TMCC1: variants seen among roughly 807,000 people sequenced by gnomAD.
TMCC1 encodes transmembrane and coiled-coil domain family 1, also known as transmembrane and coiled-coil domains protein 1.
Under a neutral mutation model 52.4 loss-of-function variants are expected in TMCC1, and 15 were observed. The ratio of observed to expected loss-of-function variants is 0.29; its 90% CI spans 0.19 to 0.44. The LOEUF is 0.44. Among genes scored for constraint, TMCC1 ranks in the 20% least tolerant of loss-of-function variants. The probability of loss-of-function intolerance (pLI) is 1.00; values close to 1 mark genes in which losing one functional copy is unlikely to be tolerated. For synonymous variants in TMCC1, 279 were observed against 301.9 expected, an observed-to-expected ratio of 0.92 and a Z score of 0.79; for missense variants, 503 against 806.0, an observed-to-expected ratio of 0.62 and a Z score of 4.55.
At chr3:129,884,651 T>G (rs1345868930) in intron 1 of TMCC1, among the ~76,000 whole-genome samples, 1 of 152,128 alleles carries the variant, frequency 6.6e-6, no homozygotes, top group African/African-American at 2.4e-5. Flanking sequence ...GATAACAGAG[T>G]CTTTTGAAGA....
chr3:129,713,301 A>G lies in TMCC1; in HGVS notation c.577-42037T>C, dbSNP rs183977591. ...ATCTGGCATATAATTAATTTAGTGG[A>G]TAACAGTATTGAGTCAAATGATGCC... is the stretch of plus-strand genomic sequence containing the variant. On this transcript the variant is annotated intron_variant, in intron 4 of 6. Transcript: ENST00000393238. Among the ~76,000 whole-genome samples, 26 of 152,278 alleles carry G rather than the reference A, an allele frequency of 1.7e-4. No homozygotes were observed. The East Asian group carries it at 4.8e-3, about 28-fold the overall frequency.
At chr3:129,776,752 C>T (rs188757029) in intron 4 of TMCC1, among the ~76,000 whole-genome samples, 201 of 152,268 alleles carry the variant, frequency 1.3e-3, no homozygotes, top group African/African-American at 3.9e-3. Flanking sequence ...CTCAGTCTCC[C>T]AAGTAGCTGG....
chr3:129,758,326 A>G (rs1428403832), intron 4 of TMCC1, among the ~76,000 whole-genome samples: 1 of 152,234 alleles, frequency 6.6e-6, no homozygotes, highest in Admixed American at 6.5e-5. Flanking sequence ...CAGATATCTA[A>G]TGGAATTCAT....
At position 129,836,916 on chromosome 3, in the gene TMCC1, G is replaced by A. The variant is rs181042043; in HGVS notation, c.-183-4090C>T. 6.4e-4 allele frequency among the ~76,000 whole-genome samples: 97 copies of A among 152,274 alleles called. No individual in the cohort carries two copies. The East Asian group carries it at 0.014, about 23-fold the overall frequency. Reference sequence around the variant, plus strand: ...ATCTCCACCCCCGTGGAGCTAATGAGGGAAGAGCAAGCAACAATACCAAAC... The same window carrying A: ...ATCTCCACCCCCGTGGAGCTAATGAAGGAAGAGCAAGCAACAATACCAAAC... On this transcript the variant is annotated intron_variant, in intron 2 of 6. Coordinates refer to ENST00000393238, the MANE Select transcript of TMCC1 (RefSeq NM_001017395.5).
intron 1 of TMCC1, among the ~76,000 whole-genome samples, chr3:129,885,197 C>G (rs1161219531): frequency 6.6e-6 from 1 of 151,960 alleles, no homozygotes; most frequent in Non-Finnish European, 1.5e-5. Flanking sequence ...TTCAAGAAAT[C>G]TGAAAAACAA....
chr3:129,752,683 A>AC (rs1560333899), intron 4 of TMCC1, among the ~76,000 whole-genome samples: 3 of 150,746 alleles, frequency 2.0e-5, no homozygotes, highest in African/African-American at 7.3e-5. Context: ...CACACACACA[A>AC]AAACTAATAC....
intron 5 of TMCC1, among the ~76,000 whole-genome samples, chr3:129,662,770 G>A (rs528570060): frequency 6.6e-6 from 1 of 152,252 alleles, no homozygotes; most frequent in African/African-American, 2.4e-5. Context: ...ACGCACCTCC[G>A]CTTGGATTAC....
chr3:129,698,686 T>C (rs754160752), intron 4 of TMCC1, among the ~76,000 whole-genome samples: 1 of 152,208 alleles, frequency 6.6e-6, no homozygotes, highest in Non-Finnish European at 1.5e-5. Context: ...AGTAATTGTT[T>C]AGTTAGAGTT....
chr3:129,849,461 C>CA (rs564418353), intron 2 of TMCC1, among the ~76,000 whole-genome samples: 11,805 of 132,618 alleles, frequency 0.089, 604 homozygotes, highest in East Asian at 0.19. Flanking sequence ...GACTCCATCT[C>CA]AAAAAAAAAA....
intron 1 of TMCC1, among the ~76,000 whole-genome samples, chr3:129,887,210 A>G (rs961415463): frequency 1.2e-4 from 19 of 152,182 alleles, no homozygotes; most frequent in African/African-American, 4.1e-4. Context: ...CATATTTCAA[A>G]TCATAAATTG....
chr3:129,669,637 C>G (rs935898700), intron 5 of TMCC1, among the ~76,000 whole-genome samples: 1 of 151,930 alleles, frequency 6.6e-6, no homozygotes, highest in Non-Finnish European at 1.5e-5. Flanking sequence ...TTTCTCCAGA[C>G]GAGAATATTA....
chr3:129,663,603 GA>G (rs1421235868), intron 5 of TMCC1, among the ~76,000 whole-genome samples: 1 of 152,156 alleles, frequency 6.6e-6, no homozygotes, highest in Non-Finnish European at 1.5e-5. Flanking sequence ...GCCTTCAGCT[GA>G]AAAGGGAAAA....
At chr3:129,788,722 C>G (rs549133459) in intron 4 of TMCC1, among the ~76,000 whole-genome samples, 2 of 152,044 alleles carry the variant, frequency 1.3e-5, no homozygotes, top group South Asian at 4.2e-4. Context: ...CCCGTCTTGG[C>G]CTTCCAAAGT....
chr3:129,669,588 C>A (rs1465336075), intron 5 of TMCC1, among the ~76,000 whole-genome samples: 1 of 152,094 alleles, frequency 6.6e-6, no homozygotes, highest in Non-Finnish European at 1.5e-5. Context: ...GCATGCACCA[C>A]CACACCCGGC....
In TMCC1 at chr3:129,666,989, C is replaced by T. The variant is rs555263665; in HGVS notation, c.1511+3341G>A. Among the ~76,000 whole-genome samples, 4 of 151,574 alleles carry T rather than the reference C, an allele frequency of 2.6e-5. No homozygotes were observed. In the South Asian group the frequency reaches 6.3e-4, roughly 24 times the overall value. ...TGATCTCAGCTCACTGCAACCTCCA[C>T]CTCTCAGATTCAAGCAATTCTCCTG... On this transcript the variant is annotated intron_variant, in intron 5 of 6. Coordinates refer to ENST00000393238, the MANE Select transcript of TMCC1 (RefSeq NM_001017395.5).
intron 1 of TMCC1, among the ~76,000 whole-genome samples, chr3:129,889,272 A>C (rs1270666506): frequency 2.0e-5 from 3 of 152,110 alleles, no homozygotes; most frequent in Non-Finnish European, 4.4e-5. Context: ...ATCCTGTCTC[A>C]AAAAAACAAA....
At chr3:129,832,057 A>T (rs1440054681) in intron 3 of TMCC1, among the ~76,000 whole-genome samples, 1 of 152,088 alleles carries the variant, frequency 6.6e-6, no homozygotes, top group Non-Finnish European at 1.5e-5. Context: ...GGGTTTCGCC[A>T]TGTTGACCAG....
intron 1 of TMCC1, among the ~76,000 whole-genome samples, chr3:129,885,727 A>C (rs745479346): frequency 1.3e-5 from 2 of 152,086 alleles, no homozygotes; most frequent in South Asian, 2.1e-4. Flanking sequence ...TATCCCTCTG[A>C]ATACATAATA....
chr3:129,754,030 A>G (rs1357897532), intron 4 of TMCC1, among the ~76,000 whole-genome samples: 1 of 152,200 alleles, frequency 6.6e-6, no homozygotes, highest in Admixed American at 6.5e-5. Flanking sequence ...TTGCTTCAGT[A>G]AGGTCACAGG....
Sources: gnomAD v4.1 joint callset for allele counts (sites outside exome capture counted in the v4.1 genomes callset) on GRCh38, gnomAD v4.1.1 for gene constraint, MANE v1.5 for transcripts, NCBI Gene and HGNC (gene_info 2026-07-23, HGNC 2026-07-21) for gene names.